KIDINS220: variants seen among roughly 807,000 people sequenced by gnomAD.
The protein encoded by KIDINS220 is kinase D interacting substrate 220, also known as kinase D-interacting substrate of 220 kDa.
KIDINS220 carries 63 observed loss-of-function variants against 157.6 expected under a neutral mutation model. That is an observed-to-expected ratio of 0.40 (90% CI 0.33 to 0.49). KIDINS220 has a LOEUF of 0.49. KIDINS220 is among the 20% of genes least tolerant of loss of function. KIDINS220 has a pLI of 0.66. For synonymous variants in KIDINS220, 732 were observed against 783.6 expected, an observed-to-expected ratio of 0.93 and a Z score of 1.10; for missense variants, 1,772 against 2,171.2, an observed-to-expected ratio of 0.82 and a Z score of 3.65.
At chr2:8,737,295 A>C in intron 26 of KIDINS220, 3 of 223,462 alleles carry the variant, frequency 1.3e-5, no homozygotes, top group Non-Finnish European at 1.8e-5. Context: ...GCCTAATCTC[A>C]AGAGAGAAGG....
At position 8,733,343 on chromosome 2, in the gene KIDINS220, T is replaced by C. The variant is rs1664410220; in HGVS notation, c.4053+101A>G. On this transcript the variant is annotated intron_variant, in intron 29 of 29. Transcript: ENST00000256707. Reference sequence around the variant, plus strand: ...GTCTCCTGTTCACTTAGGTATTCAGTAAGCATTTTCTGAATGACTGTCTAA... The same window carrying C: ...GTCTCCTGTTCACTTAGGTATTCAGCAAGCATTTTCTGAATGACTGTCTAA... 3 of 1,007,270 alleles carry C rather than the reference T, an allele frequency of 3.0e-6. No homozygotes were observed. The East Asian group carries it at 7.2e-5, about 24-fold the overall frequency. 62.4% of individuals were successfully genotyped at this position (1,007,270 alleles called of 1,614,324 possible).
intron 17 of KIDINS220, among the ~76,000 whole-genome samples, chr2:8,782,054 C>G (rs1307965829): frequency 1.3e-5 from 2 of 152,048 alleles, no homozygotes; most frequent in Non-Finnish European, 2.9e-5. Flanking sequence ...GCAGAGATTG[C>G]AGCAAGCTGG....
At chr2:8,787,963 G>T (rs1343124349) in intron 15 of KIDINS220, among the ~76,000 whole-genome samples, 2 of 152,092 alleles carry the variant, frequency 1.3e-5, no homozygotes, top group African/African-American at 4.8e-5. Flanking sequence ...GTCTCCAGCG[G>T]GAAGCTCTCT....
At position 8,729,839 on chromosome 2, in the gene KIDINS220, G is replaced by C; in HGVS notation, c.*881C>G. 17 of 982,510 alleles carry C rather than the reference G, an allele frequency of 1.7e-5. No homozygotes were observed. The highest frequency in any genetic ancestry group is 2.1e-5 in the Non-Finnish European group (17 of 827,538). The allele number at this position is 982,510 out of a possible 1,614,324, so 60.9% of individuals were successfully genotyped here. ...TTCACTCATCTATAAATATTTATTA[G>C]TACCTATTATTACCCATGTCTCCCT... On this transcript the variant is annotated 3_prime_UTR_variant, in exon 30 of 30. Coordinates refer to ENST00000256707, the MANE Select transcript of KIDINS220 (RefSeq NM_020738.4).
Position 8,730,246 on chromosome 2 carries a change from G to A in KIDINS220, c.*474C>T. The A allele has an allele frequency of 1.0e-6, 1 of 988,476 alleles. No individual in the cohort carries two copies. Among genetic ancestry groups the A allele is most frequent in the South Asian group, 4.7e-5 (1 of 21,416 alleles). 61.2% of individuals were successfully genotyped at this position (988,476 alleles called of 1,614,324 possible). A position where few individuals can be genotyped will look rare whatever the true frequency, so the allele number is the denominator to read the frequency against. On this transcript the variant is annotated 3_prime_UTR_variant, in exon 30 of 30. Transcript: ENST00000256707. ...ATCTCGGTTTACTCAGCCTCTCCCT[G>A]TAGCGTCACAGGCTGTGCACTCACC...
chr2:8,827,678 T>C (rs1032958481), intron 1 of KIDINS220, among the ~76,000 whole-genome samples: 1 of 152,058 alleles, frequency 6.6e-6, no homozygotes, highest in East Asian at 1.9e-4. Flanking sequence ...GAAGAGTGGA[T>C]TTTAAATGGT....
At chr2:8,726,935 A>G (rs564452384), downstream of KIDINS220, 1 of 1,288,150 alleles carries the variant, frequency 7.8e-7, no homozygotes, top group East Asian at 5.6e-5. Context: ...CAAGGCCAGC[A>G]TTTTCTTCCT....
chr2:8,799,661 A>T (rs1388088811), intron 9 of KIDINS220, among the ~76,000 whole-genome samples: 2 of 152,244 alleles, frequency 1.3e-5, no homozygotes, highest in Non-Finnish European at 2.9e-5. Flanking sequence ...CTTAAAGACA[A>T]GGGGCCCATG....
intron 22 of KIDINS220, among the ~76,000 whole-genome samples, chr2:8,753,113 G>A (rs931719256): frequency 1.3e-5 from 2 of 152,040 alleles, no homozygotes; most frequent in Non-Finnish European, 2.9e-5. Context: ...AAAAGAAAGA[G>A]AAGTTAAAAG....
chr2:8,761,063 G>T (rs193206559), intron 22 of KIDINS220, among the ~76,000 whole-genome samples: 2 of 152,148 alleles, frequency 1.3e-5, no homozygotes, highest in Admixed American at 1.3e-4. Context: ...GGCATCAAGA[G>T]TTTATACTTG....
At chr2:8,745,953 C>T (rs1274387280) in intron 26 of KIDINS220, among the ~76,000 whole-genome samples, 1 of 151,538 alleles carries the variant, frequency 6.6e-6, no homozygotes, top group Admixed American at 6.6e-5. Flanking sequence ...GTAACATAGT[C>T]TGTAAATAAA....
At chr2:8,806,438 G>C in intron 6 of KIDINS220, 69 bp from the exon 7 acceptor site, 1 of 905,412 alleles carries the variant, frequency 1.1e-6, no homozygotes, top group Non-Finnish European at 1.7e-6. Flanking sequence ...CTCTTAACAT[G>C]AATTTTAATA....
rs768572427 is a variant in KIDINS220, at chr2:8,778,910, C to A, written c.2600G>T (p.Cys867Phe). 1 of 1,614,160 alleles carries A rather than the reference C, an allele frequency of 6.2e-7. No individual in the cohort carries two copies. The change falls in exon 19 of 30, where the codon TGC (cysteine) becomes TTC (phenylalanine). Residue 867 changes from cysteine (C) to phenylalanine (F), a missense_variant. Physicochemically the swap from Cys to Phe is radical, Grantham distance 205. Coordinates refer to ENST00000256707, the MANE Select transcript of KIDINS220 (RefSeq NM_020738.4). The stretch of plus-strand genomic sequence containing the variant: ...CTGAGCTTTACCTGTAGTATCTGAG[C>A]ATGGAACGTCTCCATTTGTTGCTGA... ...VTSATNGDVPCSDTTGIQEDA... is the reference protein window; with the variant it reads ...VTSATNGDVPFSDTTGIQEDA...
chr2:8,733,081 A>C (rs555342843), intron 29 of KIDINS220, among the ~76,000 whole-genome samples: 3 of 152,200 alleles, frequency 2.0e-5, no homozygotes, highest in African/African-American at 7.2e-5. Flanking sequence ...CAGTGTTCCA[A>C]TGAAGATGTA....
At chr2:8,727,194 T>C, downstream of KIDINS220, 2 of 1,141,348 alleles carry the variant, frequency 1.8e-6, no homozygotes, top group Non-Finnish European at 2.2e-6. Context: ...CCCACCTGAG[T>C]CTGCTCATGC....
In KIDINS220 at chr2:8,750,286, G is replaced by A; in HGVS notation, c.3240C>T (p.Pro1080=). Residue 1080 remains proline, a synonymous_variant, in exon 24 of 30, where the codon CCC becomes CCT. Transcript: ENST00000256707. ...GAGGACCCTCATGTAGAGGGAGCGG[G>A]GGGTACGCCAGTCCTCCAATACTGA... ...EQISIGGLAY[P]PLPLHEGPPR... 4 of 1,613,246 alleles carry A rather than the reference G, an allele frequency of 2.5e-6. No homozygotes were observed. Among genetic ancestry groups the A allele is most frequent in the Non-Finnish European group, 3.4e-6 (4 of 1,179,598 alleles).
chr2:8,822,820 A>G (rs1157735758), intron 2 of KIDINS220, among the ~76,000 whole-genome samples: 1 of 152,194 alleles, frequency 6.6e-6, no homozygotes, highest in Non-Finnish European at 1.5e-5. Context: ...ACTACTCTAT[A>G]AAGGACAAAG....
intron 13 of KIDINS220, 129 bp downstream of exon 13, chr2:8,790,931 G>T: frequency 2.9e-6 from 2 of 681,184 alleles, no homozygotes; most frequent in Non-Finnish European, 2.3e-6. Flanking sequence ...CAACCAGAGG[G>T]GAGTTCATCT....
At position 8,751,376 on chromosome 2, in the gene KIDINS220, T is replaced by C. The variant is rs1439612269; in HGVS notation, c.3190+90A>G. On this transcript the variant is annotated intron_variant, in intron 23 of 29. Transcript: ENST00000256707. ...TAGTTCAATACCTCTTGGTTTTTCA[T>C]AGAGCAGGAGAAATGTACACAAATA... 6.2e-6 allele frequency: 7 copies of C among 1,136,994 alleles called. No homozygotes were observed. In the East Asian group the frequency reaches 1.2e-4, roughly 20 times the overall value. 70.4% of individuals were successfully genotyped at this position (1,136,994 alleles called of 1,614,324 possible). A position where few individuals can be genotyped will look rare whatever the true frequency, so the allele number is the denominator to read the frequency against.
Sources: gnomAD v4.1 joint callset for allele counts (sites outside exome capture counted in the v4.1 genomes callset) on GRCh38, gnomAD v4.1.1 for gene constraint, MANE v1.5 for transcripts, NCBI Gene and HGNC (gene_info 2026-07-23, HGNC 2026-07-21) for gene names.